Variants in P2RY8 observed in about 807,000 individuals in gnomAD.
P2RY8 encodes the protein S-geranylgeranyl-glutathione receptor P2RY8.
A neutral mutation model predicts 10.0 loss-of-function variants in P2RY8; 6 were observed. The observed-to-expected ratio is 0.60, with a 90% CI of 0.33 to 1.19. P2RY8 has a LOEUF of 1.19. Among genes scored for constraint, P2RY8 ranks in the 50% most tolerant of loss-of-function variants. The pLI, the probability that P2RY8 is intolerant of heterozygous loss-of-function variation, is 0.04. For synonymous variants in P2RY8, 276 were observed against 252.5 expected, an observed-to-expected ratio of 1.09 and a Z score of -0.88; for missense variants, 456 against 542.0, an observed-to-expected ratio of 0.84 and a Z score of 1.58.
chrX:1,530,967 G>T (rs2092470677), intron 1 of P2RY8, among the ~76,000 whole-genome samples: 1 of 150,430 alleles, frequency 6.6e-6, no homozygotes, highest in African/African-American at 2.4e-5. Context: ...ATTTATCCAT[G>T]TATGTATGTA....
intron 1 of P2RY8, among the ~76,000 whole-genome samples, chrX:1,529,518 G>A (rs1237881154): frequency 6.6e-5 from 10 of 152,150 alleles, no homozygotes; most frequent in African/African-American, 1.4e-4. Flanking sequence ...CTCCTGGGGC[G>A]TGGTGGGTGG....
At chrX:1,501,815 G>C (rs1327661833) in intron 1 of P2RY8, among the ~76,000 whole-genome samples, 1 of 151,610 alleles carries the variant, frequency 6.6e-6, no homozygotes, top group Non-Finnish European at 1.5e-5. Flanking sequence ...GGATGGTCTC[G>C]ATATCTGGAC....
chrX:1,489,143 A>T (rs1253847081), intron 1 of P2RY8, among the ~76,000 whole-genome samples: 1 of 151,998 alleles, frequency 6.6e-6, no homozygotes, highest in Non-Finnish European at 1.5e-5. Context: ...AATGATGCCC[A>T]GGGCTTCCCC....
intron 1 of P2RY8, among the ~76,000 whole-genome samples, chrX:1,506,607 C>T (rs2092235559): frequency 6.6e-6 from 1 of 152,000 alleles, no homozygotes; most frequent in Non-Finnish European, 1.5e-5. Context: ...TTGACGACAT[C>T]ACCATGAGCT....
At chrX:1,521,098 G>C (rs868039040) in intron 1 of P2RY8, among the ~76,000 whole-genome samples, 1 of 140,150 alleles carries the variant, frequency 7.1e-6, no homozygotes, top group Admixed American at 7.8e-5. Flanking sequence ...GCAGCGGTGC[G>C]ATCTGAGCTC....
At chrX:1,526,683 T>C (rs768397445) in intron 1 of P2RY8, among the ~76,000 whole-genome samples, 2 of 151,876 alleles carry the variant, frequency 1.3e-5, no homozygotes, top group Admixed American at 6.6e-5. Flanking sequence ...TCAGCATTCA[T>C]CCATCCATCC....
At chrX:1,486,947 G>A (rs776758177) in intron 1 of P2RY8, among the ~76,000 whole-genome samples, 15 of 152,196 alleles carry the variant, frequency 9.9e-5, no homozygotes, top group East Asian at 7.7e-4. Flanking sequence ...CTTTCTCCCC[G>A]GGACAGGGCA....
chrX:1,484,512 G>A (rs1351232440), intron 1 of P2RY8, among the ~76,000 whole-genome samples: 2 of 150,670 alleles, frequency 1.3e-5, no homozygotes, highest in Non-Finnish European at 3.0e-5. Flanking sequence ...GGATCATGAG[G>A]TCGGAAGTTC....
At chrX:1,492,267 G>T (rs2092060406) in intron 1 of P2RY8, among the ~76,000 whole-genome samples, 1 of 152,224 alleles carries the variant, frequency 6.6e-6, no homozygotes. Context: ...AGCCTGGCCA[G>T]TTAGGGGGCC....
chrX:1,512,775 T>C (rs1312247896), intron 1 of P2RY8, among the ~76,000 whole-genome samples: 1 of 152,100 alleles, frequency 6.6e-6, no homozygotes, highest in East Asian at 1.9e-4. Context: ...AGGAACAGTA[T>C]GGGAGAAAAC....
intron 1 of P2RY8, among the ~76,000 whole-genome samples, chrX:1,535,184 CTTTT>C (rs539683722): frequency 1.1e-4 from 9 of 80,632 alleles, no homozygotes; most frequent in South Asian, 9.6e-4. Flanking sequence ...GGGATAATTC[CTTTT>C]TTTTTTTTTT....
intron 1 of P2RY8, among the ~76,000 whole-genome samples, chrX:1,522,465 A>G (rs2092400191): frequency 6.6e-6 from 1 of 152,268 alleles, no homozygotes; most frequent in East Asian, 1.9e-4. Flanking sequence ...ATCGTCGTGC[A>G]CGCACAGAGA....
chrX:1,465,303 C>G lies in P2RY8; in HGVS notation c.*176G>C. ...AGTGAAGCCTGGAGACCCTTCCTCA[C>G]CGGTGCCTCTGCAGTGCCTGGGAGG... On this transcript the variant is annotated 3_prime_UTR_variant, in exon 2 of 2. Transcript: ENST00000381297. 18 of 1,048,522 alleles carry G rather than the reference C, an allele frequency of 1.7e-5. No individual in the cohort carries two copies. Among genetic ancestry groups the G allele is most frequent in the Non-Finnish European group, 2.3e-5 (17 of 746,142 alleles). 65.0% of individuals were successfully genotyped at this position (1,048,522 alleles called of 1,614,324 possible).
intron 1 of P2RY8, among the ~76,000 whole-genome samples, chrX:1,509,161 TTCTATCTA>T (rs56651378): frequency 0.022 from 3,250 of 144,580 alleles, 31 homozygotes; most frequent in African/African-American, 0.025. Context: ...TATCCATCCA[TTCTATCTA>T]TCTATCTATC....
intron 1 of P2RY8, among the ~76,000 whole-genome samples, chrX:1,468,743 T>TTC: frequency 1.6e-5 from 1 of 60,884 alleles, no homozygotes; most frequent in East Asian, 4.4e-4. Context: ...CTCTCCTCTC[T>TTC]CCTCTCTCCC....
chrX:1,519,420 A>G (rs762536256), intron 1 of P2RY8, among the ~76,000 whole-genome samples: 8 of 150,196 alleles, frequency 5.3e-5, no homozygotes, highest in Non-Finnish European at 1.2e-4. Flanking sequence ...CTGCTCCCCA[A>G]TATTCTCTCT....
intron 1 of P2RY8, among the ~76,000 whole-genome samples, chrX:1,518,808 T>G (rs190387804): frequency 4.6e-5 from 7 of 152,164 alleles, no homozygotes; most frequent in Non-Finnish European, 8.8e-5. Flanking sequence ...CCCAAAATCT[T>G]TCTAGTCCCC....
At chrX:1,516,874 C>T (rs191774231) in intron 1 of P2RY8, among the ~76,000 whole-genome samples, 1 of 151,240 alleles carries the variant, frequency 6.6e-6, no homozygotes, top group Admixed American at 6.6e-5. Context: ...CCTGCCCGTT[C>T]GCTGATCTCA....
intron 1 of P2RY8, among the ~76,000 whole-genome samples, chrX:1,485,052 G>C (rs2091974994): frequency 7.8e-6 from 1 of 128,180 alleles, no homozygotes. Context: ...TGGTCTCCAA[G>C]TCCTAGACTC....
Sources: gnomAD v4.1 joint callset for allele counts (sites outside exome capture counted in the v4.1 genomes callset) on GRCh38, gnomAD v4.1.1 for gene constraint, MANE v1.5 for transcripts, NCBI Gene and HGNC (gene_info 2026-07-23, HGNC 2026-07-21) for gene names.